EIF4G3: variants seen among roughly 807,000 people sequenced by gnomAD.
The protein encoded by EIF4G3 is eIF-4-gamma 3.
Under a neutral mutation model 186.4 loss-of-function variants are expected in EIF4G3, and 34 were observed. The observed-to-expected ratio is 0.18, with a 90% CI of 0.14 to 0.24. The LOEUF (loss-of-function observed/expected upper bound fraction) is 0.24, where lower values mean the gene tolerates loss of function less well. Among genes scored for constraint, EIF4G3 ranks in the 10% least tolerant of loss-of-function variants. EIF4G3 has a pLI of 1.00. For synonymous variants in EIF4G3, 673 were observed against 679.5 expected, an observed-to-expected ratio of 0.99 and a Z score of 0.15; for missense variants, 1,536 against 1,948.5, an observed-to-expected ratio of 0.79 and a Z score of 3.99.
At chr1:21,138,973 C>T (rs1455388565) in intron 2 of EIF4G3, among the ~76,000 whole-genome samples, 1 of 152,110 alleles carries the variant, frequency 6.6e-6, no homozygotes, top group African/African-American at 2.4e-5. Flanking sequence ...CAGCCTTGAC[C>T]TCCTGGGCTC....
chr1:20,942,431 C>A (rs2095755737), intron 13 of EIF4G3, 101 bp from the exon 14 acceptor site: 3 of 1,199,526 alleles, frequency 2.5e-6, no homozygotes, highest in Non-Finnish European at 2.3e-6. Flanking sequence ...TTACAGGTAA[C>A]AGAACAGAGA....
intron 4 of EIF4G3, among the ~76,000 whole-genome samples, chr1:21,028,776 C>CTG (rs2092436323): frequency 1.3e-5 from 2 of 152,122 alleles, no homozygotes; most frequent in Admixed American, 6.5e-5. Flanking sequence ...CTGAAGTAAG[C>CTG]ACAGTTCAGG....
At chr1:20,920,367 A>C (rs2094390626) in intron 14 of EIF4G3, among the ~76,000 whole-genome samples, 1 of 152,206 alleles carries the variant, frequency 6.6e-6, no homozygotes, top group South Asian at 2.1e-4. Context: ...TTTTATTAGT[A>C]AAGATATGAG....
At chr1:20,845,784 G>C (rs1557888670) in intron 29 of EIF4G3, among the ~76,000 whole-genome samples, 1 of 152,100 alleles carries the variant, frequency 6.6e-6, no homozygotes, top group East Asian at 1.9e-4. Flanking sequence ...GGCTATTTGG[G>C]CTCCTTTTTT....
chr1:21,059,743 G>C (rs1429690456), intron 3 of EIF4G3, among the ~76,000 whole-genome samples: 1 of 152,100 alleles, frequency 6.6e-6, no homozygotes, highest in Non-Finnish European at 1.5e-5. Flanking sequence ...TTCTACTATG[G>C]ACTTTGTCAG....
In EIF4G3 at chr1:20,972,912, G is replaced by C. The variant is rs544598686; in HGVS notation, c.591+90C>G. The stretch of plus-strand genomic sequence containing the variant: ...AAAAAAAAAAGGCACAGTAATTTGT[G>C]AATTGAGATGAATAATGACTACGTA... On this transcript the variant is annotated intron_variant, in intron 11 of 36. Coordinates refer to ENST00000602326, the MANE Select transcript of EIF4G3 (RefSeq NM_001391906.1). 9 of 1,003,340 alleles carry C rather than the reference G, an allele frequency of 9.0e-6. No individual in the cohort carries two copies. The African/African-American group carries it at 1.3e-4, about 15-fold the overall frequency. 62.2% of individuals were successfully genotyped at this position (1,003,340 alleles called of 1,614,324 possible). A position where few individuals can be genotyped will look rare whatever the true frequency, so the allele number is the denominator to read the frequency against.
intron 2 of EIF4G3, among the ~76,000 whole-genome samples, chr1:21,125,421 A>G (rs566883315): frequency 4.6e-5 from 7 of 152,320 alleles, no homozygotes; most frequent in African/African-American, 1.4e-4. Context: ...ATAATAGCTA[A>G]TATTATTAGG....
chr1:20,981,511 GTATA>G (rs1282497547), intron 8 of EIF4G3, among the ~76,000 whole-genome samples: 1 of 132,660 alleles, frequency 7.5e-6, no homozygotes, highest in African/African-American at 2.7e-5. Context: ...CGCACATACT[GTATA>G]TATACATACA....
chr1:20,837,222 T>G (rs2067008056), intron 30 of EIF4G3, among the ~76,000 whole-genome samples: 1 of 152,190 alleles, frequency 6.6e-6, no homozygotes, highest in African/African-American at 2.4e-5. Flanking sequence ...CTTTTCTTTT[T>G]TTTTTTGAGA....
chr1:21,175,246 T>G (rs1254524923), intron 2 of EIF4G3: 1 of 152,172 alleles, frequency 6.6e-6, no homozygotes, highest in East Asian at 1.9e-4. Context: ...AATTCAACGT[T>G]TTACCTTCAC....
rs1045152887 is a variant in EIF4G3, at chr1:20,810,133, C to A, written c.4744+605G>T. 3.3e-5 allele frequency among the ~76,000 whole-genome samples: 5 copies of A among 151,710 alleles called. No individual in the cohort carries two copies. Among genetic ancestry groups the A allele is most frequent in the Non-Finnish European group, 7.4e-5 (5 of 67,956 alleles). On this transcript the variant is annotated intron_variant, in intron 36 of 36. Transcript: ENST00000602326. This position sits in a 1 kb window ranked among gnomAD's most constrained non-coding sequence, Gnocchi z 4.1. ...CTGGGACTACAGGCACATGCCACCA[C>A]ACCTAGCCAATTTTTGTATTTTTGT...
intron 2 of EIF4G3, among the ~76,000 whole-genome samples, chr1:21,093,599 G>A (rs1049063919): frequency 1.3e-5 from 2 of 152,128 alleles, no homozygotes; most frequent in Non-Finnish European, 2.9e-5. Context: ...TCCCATTACT[G>A]GGTATATACC....
chr1:21,040,045 G>A (rs2093472171), intron 4 of EIF4G3, among the ~76,000 whole-genome samples: 1 of 152,156 alleles, frequency 6.6e-6, no homozygotes, highest in Non-Finnish European at 1.5e-5. Flanking sequence ...CCTGATTCCT[G>A]TCACACAACT....
chr1:20,860,137 T>C (rs951924594), intron 24 of EIF4G3, among the ~76,000 whole-genome samples: 1 of 152,238 alleles, frequency 6.6e-6, no homozygotes, highest in Non-Finnish European at 1.5e-5. Context: ...TCTGAGTATA[T>C]AGAAGATGCT....
intron 36 of EIF4G3, among the ~76,000 whole-genome samples, chr1:20,808,174 G>A (rs894211975): frequency 6.6e-6 from 1 of 151,534 alleles, no homozygotes; most frequent in Non-Finnish European, 1.5e-5. Context: ...GTGAGCCACC[G>A]TGCCCGGCCC....
Position 21,048,626 on chromosome 1 carries a change from T to C in EIF4G3, c.-67+2240A>G, listed in dbSNP as rs527981128. ...CAGCAGCCAAGAGCTACCCCTGGTA[T>C]TCCCTCAGGAAGACACGCAGCACAG... On this transcript the variant is annotated intron_variant, in intron 4 of 36. Transcript: ENST00000602326. Among the ~76,000 whole-genome samples the C allele has an allele frequency of 2.6e-5, 4 of 152,260 alleles. No individual in the cohort carries two copies. In the South Asian group the frequency reaches 8.3e-4, roughly 32 times the overall value.
intron 4 of EIF4G3, among the ~76,000 whole-genome samples, chr1:21,024,990 A>C (rs2091841604): frequency 6.6e-6 from 1 of 152,188 alleles, no homozygotes; most frequent in African/African-American, 2.4e-5. Context: ...CTGGGAGAAG[A>C]GTTCCAGGGA....
rs2095727325 is a variant in EIF4G3 at position 20,941,812 on chromosome 1, T to A, written c.1342A>T (p.Asn448Tyr). 6.2e-7 allele frequency: 1 copy of A among 1,613,692 alleles called. No individual in the cohort carries two copies. Among genetic ancestry groups the A allele is most frequent in the Non-Finnish European group, 8.5e-7 (1 of 1,179,888 alleles). Residue 448 changes from asparagine (N) to tyrosine (Y), a missense_variant, in exon 14 of 37, where the codon AAT (asparagine) becomes TAT (tyrosine). By Grantham distance (143) the Asn-to-Tyr change is moderately radical. Around this residue, in one of 11 missense-constraint regions of EIF4G3, gnomAD observed 560 missense variants for 547.8 expected, o/e 1.02. Coordinates refer to ENST00000602326, the MANE Select transcript of EIF4G3 (RefSeq NM_001391906.1). Reference protein sequence around the residue: ...PLTLELEILENPPEEMKLECI... With the variant: ...PLTLELEILEYPPEEMKLECI... ...TCCAGTTTCATTTCTTCTGGGGGAT[T>A]TTCGAGAATCTCCAATTCAAGAGTC...
intron 14 of EIF4G3, among the ~76,000 whole-genome samples, chr1:20,908,687 T>C (rs1441389498): frequency 6.6e-6 from 1 of 152,190 alleles, no homozygotes; most frequent in Admixed American, 6.5e-5. Flanking sequence ...GGATTCAAAT[T>C]GTTACTCCTG....
Sources: gnomAD v4.1 joint callset for allele counts (sites outside exome capture counted in the v4.1 genomes callset) on GRCh38, gnomAD v4.1.1 for gene constraint, gnomAD v4.1.1 regional missense constraint, Gnocchi (gnomAD v3.1) non-coding constraint, MANE v1.5 for transcripts, NCBI Gene and HGNC (gene_info 2026-07-23, HGNC 2026-07-21) for gene names.